ST18: variants seen among roughly 807,000 people sequenced by gnomAD.
ST18 encodes ST18 C2H2C-type zinc finger transcription factor, also known as suppression of tumorigenicity 18 protein.
In ST18, 50 loss-of-function variants were observed where a neutral mutation model predicts 110.0. The ratio of observed to expected loss-of-function variants is 0.45; its 90% CI spans 0.36 to 0.58. ST18 has a LOEUF of 0.58. Among genes scored for constraint, ST18 ranks in the 20% least tolerant of loss-of-function variants. The pLI, the probability that ST18 is intolerant of heterozygous loss-of-function variation, is 0.00. For synonymous variants in ST18, 461 were observed against 452.4 expected (o/e 1.02, Z -0.24); for missense variants, 1,306 against 1,280.1 (o/e 1.02, Z -0.31).
intron 2 of ST18, among the ~76,000 whole-genome samples, chr8:52,367,314 C>T (rs7460283): frequency 0.81 from 121,316 of 149,894 alleles, 51,314 homozygotes; most frequent in Non-Finnish European, 0.93. Flanking sequence ...CTCTGTTACT[C>T]GGGAGGCTGA....
chr8:52,254,135 C>A (rs538078402), intron 2 of ST18: 12 of 152,128 alleles, frequency 7.9e-5, no homozygotes, highest in South Asian at 2.1e-4. Flanking sequence ...CATCCACCCC[C>A]CCTCCAAAAA....
At chr8:52,405,467 T>C (rs1844148057) in intron 2 of ST18, 1 of 152,212 alleles carries the variant, frequency 6.6e-6, no homozygotes, top group Non-Finnish European at 1.5e-5. Flanking sequence ...TATATTCCTA[T>C]TTTGGTCAGA....
chr8:52,117,181 C>T (rs2042875092), intron 24 of ST18, among the ~76,000 whole-genome samples: 1 of 152,220 alleles, frequency 6.6e-6, no homozygotes, highest in Non-Finnish European at 1.5e-5. Context: ...CCTGCGGCCA[C>T]ACTTCCCTTT....
In ST18 at chr8:52,159,009, T is replaced by A; in HGVS notation, c.1695A>T (p.Gln565His). Reference sequence around the variant, plus strand: ...CTGCTATGTGGGTGTCTTCACTACATTGACCGTAGCTATAAGAGCTGGCAC... The same window carrying A: ...CTGCTATGTGGGTGTCTTCACTACAATGACCGTAGCTATAAGAGCTGGCAC... ...PGRASSYSYG[Q>H]CSEDTHIAAA... Residue 565 changes from glutamine (Q) to histidine (H), a missense_variant, in exon 15 of 26, where the codon CAA (glutamine) becomes CAT (histidine). By Grantham distance (24) the Gln-to-His change is conservative (BLOSUM62 0). Coordinates refer to ENST00000689386, the MANE Select transcript of ST18 (RefSeq NM_001352837.2). The A allele has an allele frequency of 6.2e-7, 1 of 1,614,134 alleles. No individual in the cohort carries two copies. Among genetic ancestry groups the A allele is most frequent in the African/African-American group, 1.3e-5 (1 of 75,030 alleles).
intron 2 of ST18, among the ~76,000 whole-genome samples, chr8:52,358,029 T>C (rs1475894776): frequency 1.3e-5 from 2 of 151,730 alleles, no homozygotes; most frequent in Admixed American, 1.3e-4. Context: ...AGAATAAAAG[T>C]TGAAATTAAT....
At chr8:52,379,773 C>T (rs575963933) in intron 2 of ST18, among the ~76,000 whole-genome samples, 56 of 152,222 alleles carry the variant, frequency 3.7e-4, no homozygotes, top group Middle Eastern at 6.8e-3. Flanking sequence ...GCATCATTCA[C>T]AGTTGAGAGA....
At chr8:52,394,293 T>C (rs1840347958) in intron 2 of ST18, among the ~76,000 whole-genome samples, 1 of 152,174 alleles carries the variant, frequency 6.6e-6, no homozygotes, top group Admixed American at 6.5e-5. Flanking sequence ...TTGCTATAAA[T>C]TGCCCTTCCC....
chr8:52,352,900 G>C (rs1564557599), intron 2 of ST18, among the ~76,000 whole-genome samples: 1 of 152,178 alleles, frequency 6.6e-6, no homozygotes, highest in Non-Finnish European at 1.5e-5. Flanking sequence ...AGAGTTAGGT[G>C]ACCAATATTC....
intron 2 of ST18, among the ~76,000 whole-genome samples, chr8:52,230,322 C>T (rs756877800): frequency 3.3e-5 from 5 of 151,572 alleles, no homozygotes; most frequent in East Asian, 1.9e-4. Context: ...TTTTTAGATT[C>T]GAACCCTTTT....
At chr8:52,185,926 T>A (rs2071948751) in intron 8 of ST18, among the ~76,000 whole-genome samples, 1 of 152,166 alleles carries the variant, frequency 6.6e-6, no homozygotes, top group African/African-American at 2.4e-5. Flanking sequence ...AGGAAAACAC[T>A]GACAAATCAG....
At chr8:52,256,495 T>C (rs1182995476) in intron 2 of ST18, among the ~76,000 whole-genome samples, 1 of 152,162 alleles carries the variant, frequency 6.6e-6, no homozygotes, top group Non-Finnish European at 1.5e-5. Context: ...CCCAAAGTGC[T>C]GGGATTACAG....
At position 52,207,484 on chromosome 8, in the gene ST18, C is replaced by T. The variant is rs182756908; in HGVS notation, c.86+4595G>A. 3.3e-3 allele frequency among the ~76,000 whole-genome samples: 500 copies of T among 151,698 alleles called. 4 individuals are homozygous for T. The highest frequency in any genetic ancestry group is 0.012 in the African/African-American group (476 of 41,340). On this transcript the variant is annotated intron_variant, in intron 8 of 25. Transcript: ENST00000689386. ...TCCAGCCTGGGTGACAGAGTGAGAC[C>T]CTGTCTCAAAAAATAAATTAATTAA...
chr8:52,200,688 G>C (rs1157642099), intron 8 of ST18, among the ~76,000 whole-genome samples: 3 of 152,190 alleles, frequency 2.0e-5, no homozygotes, highest in Non-Finnish European at 1.5e-5. Flanking sequence ...TAGGGGCCTA[G>C]TGACAGCAGC....
chr8:52,284,939 C>T (rs1385006025), intron 2 of ST18, among the ~76,000 whole-genome samples: 2 of 152,030 alleles, frequency 1.3e-5, no homozygotes, highest in Non-Finnish European at 2.9e-5. Context: ...CTGTCCACAT[C>T]AGAAGGCACA....
At chr8:52,138,660 T>C (rs569139558) in intron 17 of ST18, among the ~76,000 whole-genome samples, 13 of 152,218 alleles carry the variant, frequency 8.5e-5, no homozygotes, top group Non-Finnish European at 1.3e-4. Context: ...GATTCCTTGG[T>C]TTCTCAGTCA....
At chr8:52,267,289 C>G (rs77630841) in intron 2 of ST18, among the ~76,000 whole-genome samples, 18,219 of 151,704 alleles carry the variant, frequency 0.12, 1,480 homozygotes, top group Middle Eastern at 0.24. Flanking sequence ...AGAAAGAGGA[C>G]CCTGGGCTGG....
intron 15 of ST18, among the ~76,000 whole-genome samples, chr8:52,157,931 A>T (rs1413770034): frequency 6.6e-6 from 1 of 152,260 alleles, no homozygotes; most frequent in African/African-American, 2.4e-5. Context: ...TGATGCAGAA[A>T]ATCTTCCACA....
chr8:52,173,248 A>G (rs1025598537), intron 9 of ST18, among the ~76,000 whole-genome samples: 6 of 152,194 alleles, frequency 3.9e-5, no homozygotes, highest in South Asian at 4.1e-4. Context: ...TAGCATGATC[A>G]AATCATATCT....
intron 2 of ST18, among the ~76,000 whole-genome samples, chr8:52,402,449 G>T (rs945878673): frequency 6.6e-6 from 1 of 152,112 alleles, no homozygotes; most frequent in Non-Finnish European, 1.5e-5. Context: ...TTGGGCCCAG[G>T]GTTCAAGGAT....
Sources: allele counts gnomAD v4.1 joint callset (sites outside exome capture counted in the v4.1 genomes callset), GRCh38; gene constraint gnomAD v4.1.1; transcripts MANE v1.5; gene names NCBI Gene and HGNC (gene_info 2026-07-23, HGNC 2026-07-21).